The following JAK2 variants were observed in gnomAD, a reference collection of about 807,000 sequenced individuals.
The protein encoded by JAK2 is tyrosine-protein kinase JAK2.
In JAK2, 86 loss-of-function variants were observed where a neutral mutation model predicts 139.3. That is an observed-to-expected ratio of 0.62 (90% confidence interval 0.52 to 0.74). The LOEUF (loss-of-function observed/expected upper bound fraction) is 0.74, where lower values mean the gene tolerates loss of function less well. Among genes scored for constraint, JAK2 ranks in the 30% least tolerant of loss-of-function variants. The pLI is 0.00. For missense variants in JAK2, 1,421 were observed against 1,360.3 expected, an observed-to-expected ratio of 1.04 and a Z score of -0.70; for synonymous variants, 490 against 437.7, an observed-to-expected ratio of 1.12 and a Z score of -1.49.
rs547332562 is a variant in JAK2 at position 5,129,521 on chromosome 9, G to A, written c.*2730G>A. 2.0e-5 allele frequency among the ~76,000 whole-genome samples: 3 copies of A among 151,920 alleles called. No individual in the cohort carries two copies. In the East Asian group the frequency reaches 5.8e-4, roughly 29 times the overall value. ...CTAATGAAAGTTTCTCTAATTTGGG[G>A]GCATAATGTACTAAGAATCAGTTTG... On this transcript the variant is annotated 3_prime_UTR_variant, in exon 25 of 25. Coordinates refer to ENST00000381652, the MANE Select transcript of JAK2 (RefSeq NM_004972.4).
intron 22 of JAK2, among the ~76,000 whole-genome samples, chr9:5,103,567 G>A (rs1286998153): frequency 6.6e-6 from 1 of 152,094 alleles, no homozygotes; most frequent in Non-Finnish European, 1.5e-5. Context: ...TGCACCATGT[G>A]AACCTAATAG....
At chr9:5,068,190 CAAGA>C (rs1332815656) in intron 10 of JAK2, among the ~76,000 whole-genome samples, 1 of 133,416 alleles carries the variant, frequency 7.5e-6, no homozygotes, top group East Asian at 2.2e-4. Context: ...AAAAAAAAAA[CAAGA>C]AAGGTTATTT....
chr9:5,054,432 C>A lies in JAK2; in HGVS notation c.615-131C>A, dbSNP rs560540356. On this transcript the variant is annotated intron_variant, in intron 6 of 24. Coordinates refer to ENST00000381652, the MANE Select transcript of JAK2 (RefSeq NM_004972.4). This position sits in a 1 kb window ranked among gnomAD's most constrained non-coding sequence, Gnocchi z 4.9. The stretch of plus-strand genomic sequence containing the variant: ...TATGGATGGGGGTTATGTCAACTTA[C>A]GCCACTTGGCCACTGTGTTGTAAGG... The A allele has an allele frequency of 1.0e-5, 7 of 672,044 alleles. No individual in the cohort carries two copies. The Admixed American group carries it at 1.7e-4, about 16-fold the overall frequency. The allele number at this position is 672,044 out of a possible 1,614,324, so 41.6% of individuals were successfully genotyped here.
chr9:5,081,427 C>T, intron 18 of JAK2, among the ~76,000 whole-genome samples: 1 of 152,056 alleles, frequency 6.6e-6, no homozygotes, highest in South Asian at 2.1e-4. Flanking sequence ...GTGCTTTCTA[C>T]CCCAGTACTA....
rs1816855445 is a variant in JAK2 at position 5,044,520 on chromosome 9, G to A, written c.468G>A (p.Gln156=). 1 of 1,534,522 alleles carries A rather than the reference G, an allele frequency of 6.5e-7. No homozygotes were observed. The highest frequency in any genetic ancestry group is 8.9e-7 in the Non-Finnish European group (1 of 1,118,670). The change falls in exon 5 of 25, where the codon CAG becomes CAA. Residue 156 remains glutamine, a splice_region_variant and synonymous_variant. Coordinates refer to ENST00000381652, the MANE Select transcript of JAK2 (RefSeq NM_004972.4). ...DDFVMSYLFA[Q]WRHDFVHGWI... ...TTGTCATGTCTTACCTCTTTGCTCA[G>A]GTATGATTATATTATCTTACTTGTA...
chr9:5,119,861 T>C (rs771797734), intron 22 of JAK2, among the ~76,000 whole-genome samples: 8 of 152,220 alleles, frequency 5.3e-5, no homozygotes, highest in Admixed American at 3.3e-4. Flanking sequence ...TTTATTTTTA[T>C]ATTTGCAAGT....
chr9:5,041,087 G>C, intron 4 of JAK2: 1 of 709,746 alleles, frequency 1.4e-6, no homozygotes, highest in South Asian at 1.5e-5. Context: ...ACCTACTACA[G>C]CCTGGAGGAC....
chr9:5,062,316 G>T (rs937192665), intron 8 of JAK2, among the ~76,000 whole-genome samples: 1 of 151,784 alleles, frequency 6.6e-6, no homozygotes, highest in African/African-American at 2.4e-5. Context: ...AGGGACAACT[G>T]TACAATAGTT....
chr9:5,089,357 C>T (rs1283599409), intron 19 of JAK2, among the ~76,000 whole-genome samples: 2 of 151,770 alleles, frequency 1.3e-5, no homozygotes, highest in South Asian at 2.1e-4. Flanking sequence ...GCTAACACAG[C>T]GAAACCCTGT....
At chr9:5,104,893 T>C (rs1418205674) in intron 22 of JAK2, among the ~76,000 whole-genome samples, 1 of 152,210 alleles carries the variant, frequency 6.6e-6, no homozygotes, top group African/African-American at 2.4e-5. Flanking sequence ...AAACTAGGTA[T>C]TGATGGAATG....
At chr9:4,998,890 G>A (rs1159933731) in intron 2 of JAK2, among the ~76,000 whole-genome samples, 1 of 152,012 alleles carries the variant, frequency 6.6e-6, no homozygotes, top group Non-Finnish European at 1.5e-5. Flanking sequence ...TAGTGCAGTG[G>A]TGCGATCTGC....
chr9:5,080,438 C>G, intron 17 of JAK2, 58 bp downstream of exon 17: 2 of 1,541,598 alleles, frequency 1.3e-6, no homozygotes, highest in Non-Finnish European at 1.8e-6. Flanking sequence ...ATATTTCTTT[C>G]ACATGATTTG....
At chr9:5,087,355 T>C (rs1283928375) in intron 19 of JAK2, among the ~76,000 whole-genome samples, 1 of 152,172 alleles carries the variant, frequency 6.6e-6, no homozygotes, top group Non-Finnish European at 1.5e-5. Context: ...GAGAACAGCA[T>C]GGAGGAAACC....
At chr9:5,025,263 T>C (rs1475853929) in intron 3 of JAK2, among the ~76,000 whole-genome samples, 1 of 152,212 alleles carries the variant, frequency 6.6e-6, no homozygotes, top group East Asian at 1.9e-4. Context: ...TCTATCTATA[T>C]TGGTGAGATT....
chr9:5,051,417 C>T (rs1447454800), intron 6 of JAK2, among the ~76,000 whole-genome samples: 1 of 152,056 alleles, frequency 6.6e-6, no homozygotes, highest in African/African-American at 2.4e-5. Context: ...ATTTTATTTG[C>T]ATTAGACTCA....
chr9:5,087,065 T>C (rs917731962), intron 19 of JAK2, among the ~76,000 whole-genome samples: 1 of 152,222 alleles, frequency 6.6e-6, no homozygotes, highest in Non-Finnish European at 1.5e-5. Context: ...CTTTATTGTT[T>C]TCATTGAAAA....
At chr9:5,112,532 A>C in intron 22 of JAK2, 1 of 592,834 alleles carries the variant, frequency 1.7e-6, no homozygotes, top group Non-Finnish European at 3.0e-6. Context: ...CAGAAGGCCG[A>C]GTGGGAGAAG....
chr9:5,116,174 A>G (rs554030224), intron 22 of JAK2, among the ~76,000 whole-genome samples: 1 of 152,116 alleles, frequency 6.6e-6, no homozygotes, highest in Non-Finnish European at 1.5e-5. Flanking sequence ...TATGATTATT[A>G]TCTCTATTTT....
chr9:5,094,824 C>T (rs1382331060), intron 22 of JAK2: 1 of 152,084 alleles, frequency 6.6e-6, no homozygotes, highest in African/African-American at 2.4e-5. Flanking sequence ...ATGTATTCAC[C>T]AGAACTCTGT....
Sources: allele counts gnomAD v4.1 joint callset (sites outside exome capture counted in the v4.1 genomes callset), GRCh38; gene constraint gnomAD v4.1.1; non-coding constraint Gnocchi (gnomAD v3.1); transcripts MANE v1.5; gene names NCBI Gene and HGNC (gene_info 2026-07-23, HGNC 2026-07-21).